Variants in NOTCH2 observed in about 807,000 individuals in gnomAD.
NOTCH2 encodes the protein neurogenic locus notch homolog protein 2.
NOTCH2 carries 29 observed loss-of-function variants against 235.8 expected under a neutral mutation model. The ratio of observed to expected loss-of-function variants is 0.12; its 90% confidence interval spans 0.09 to 0.17. NOTCH2 has a LOEUF of 0.17. Among genes scored for constraint, NOTCH2 ranks in the 10% least tolerant of loss-of-function variants. The pLI is 1.00. For synonymous variants in NOTCH2, 1,086 were observed against 1,141.5 expected, an observed-to-expected ratio of 0.95 and a Z score of 0.98; for missense variants, 2,285 against 3,150.2, an observed-to-expected ratio of 0.73 and a Z score of 6.57.
chr1:119,941,101 T>C (rs868919082), intron 18 of NOTCH2, among the ~76,000 whole-genome samples: 34 of 152,230 alleles, frequency 2.2e-4, no homozygotes, highest in African/African-American at 7.0e-4. Flanking sequence ...CTATTCACTA[T>C]AGATTATTTA....
intron 22 of NOTCH2, among the ~76,000 whole-genome samples, chr1:119,930,337 CAA>C (rs1361072919): frequency 2.7e-5 from 4 of 150,342 alleles, no homozygotes; most frequent in Admixed American, 2.0e-4. Flanking sequence ...GCTGAGAGTT[CAA>C]AAGTTATTCC....
At chr1:120,008,861 C>G (rs1308391461) in intron 2 of NOTCH2, among the ~76,000 whole-genome samples, 1 of 152,104 alleles carries the variant, frequency 6.6e-6, no homozygotes, top group Non-Finnish European at 1.5e-5. Context: ...ATTCTAATAG[C>G]TGAAGACGAA....
Position 119,919,369 on chromosome 1 carries a change from G to C in NOTCH2, c.5724C>G (p.Asn1908Lys). ...CAGCATGGAGTGGACAGCGGCCCAT[G>C]TTGTCCTGGGCATTGGCATCTGCAC... is the stretch of plus-strand genomic sequence containing the variant. ...DAGADANAQD[N>K]MGRCPLHAAV... is the part of the protein sequence containing the mutation. Residue 1908 changes from asparagine to lysine, a missense_variant, in exon 31 of 34, where the codon AAC becomes AAG. Around this residue, in one of 6 missense-constraint regions of NOTCH2, gnomAD observed 128 missense variants for 255.9 expected, o/e 0.50. Coordinates refer to ENST00000256646, the MANE Select transcript of NOTCH2 (RefSeq NM_024408.4). The C allele has an allele frequency of 6.2e-7, 1 of 1,613,582 alleles. No homozygotes were observed. Among genetic ancestry groups the C allele is most frequent in the Non-Finnish European group, 8.5e-7 (1 of 1,180,036 alleles).
At chr1:119,989,541 T>C (rs1261586969) in intron 4 of NOTCH2, among the ~76,000 whole-genome samples, 3 of 152,108 alleles carry the variant, frequency 2.0e-5, no homozygotes, top group African/African-American at 2.4e-5. Flanking sequence ...AGACAGTATA[T>C]AGAATGACAG....
intron 2 of NOTCH2, among the ~76,000 whole-genome samples, chr1:120,029,442 C>T (rs1553210629): frequency 6.6e-6 from 1 of 151,940 alleles, no homozygotes; most frequent in Non-Finnish European, 1.5e-5. Flanking sequence ...CCTCCGCCTC[C>T]TGGGTTCAAG....
chr1:119,915,668 C>T lies in NOTCH2; in HGVS notation c.7054G>A (p.Ala2352Thr), dbSNP rs1649039262. The T allele has an allele frequency of 6.2e-7, 1 of 1,613,604 alleles. No homozygotes were observed. The highest frequency in any genetic ancestry group is 8.5e-7 in the Non-Finnish European group (1 of 1,179,734). ...TGGGGCATCATGGCAGTGGGGAAAG[C>T]CACACTGGGCAAACGGGCCATTTCT... ...IPEMARLPSV[A>T]FPTAMMPQQD... is the part of the protein sequence containing the mutation. Residue 2352 changes from alanine (A) to threonine (T), a missense_variant, in exon 34 of 34, where the codon GCT becomes ACT. By Grantham distance (58) the Ala-to-Thr change is moderately conservative (BLOSUM62 0). Coordinates refer to ENST00000256646, the MANE Select transcript of NOTCH2 (RefSeq NM_024408.4).
At chr1:120,011,813 G>A (rs1305119192) in intron 2 of NOTCH2, among the ~76,000 whole-genome samples, 1 of 151,674 alleles carries the variant, frequency 6.6e-6, no homozygotes, top group Non-Finnish European at 1.5e-5. Flanking sequence ...TCAGGAGATC[G>A]AGACCATCCT....
intron 5 of NOTCH2, among the ~76,000 whole-genome samples, chr1:119,979,591 G>A (rs993959928): frequency 2.0e-5 from 3 of 152,152 alleles, no homozygotes; most frequent in Non-Finnish European, 2.9e-5. Context: ...TACTTATTCA[G>A]CTAAAATGTT....
At chr1:119,936,695 G>A (rs1227251952) in intron 21 of NOTCH2, among the ~76,000 whole-genome samples, 1 of 152,120 alleles carries the variant, frequency 6.6e-6, no homozygotes, top group East Asian at 1.9e-4. Context: ...GTTTGAATTG[G>A]TATCAAATTA....
chr1:119,932,105 T>C (rs1353545914), intron 22 of NOTCH2, among the ~76,000 whole-genome samples: 2 of 151,646 alleles, frequency 1.3e-5, no homozygotes, highest in Non-Finnish European at 2.9e-5. Flanking sequence ...AAAGCCAATA[T>C]GCTGATATAC....
Position 119,915,894 on chromosome 1 carries a change from C to G in NOTCH2, c.6828G>C (p.Glu2276Asp). The G allele has an allele frequency of 1.2e-6, 2 of 1,614,166 alleles. No individual in the cohort carries two copies. The highest frequency in any genetic ancestry group is 1.7e-6 in the Non-Finnish European group (2 of 1,180,036). The stretch of plus-strand genomic sequence containing the variant: ...GGGGAGCTATGCCAGGATGGGTGCC[C>G]TCAGCTGGAGCCAGGACCATACCAA... ...EMFGMVLAPA[E>D]GTHPGIAPQS... Residue 2276 changes from glutamate (E) to aspartate (D), a missense_variant, in exon 34 of 34, where the codon GAG becomes GAC. Coordinates refer to ENST00000256646, the MANE Select transcript of NOTCH2 (RefSeq NM_024408.4).
chr1:119,986,600 C>A (rs762449735), intron 5 of NOTCH2, among the ~76,000 whole-genome samples: 105 of 152,250 alleles, frequency 6.9e-4, no homozygotes, highest in South Asian at 1.9e-3. Context: ...TTTAGCATTT[C>A]AGGAAATTTT....
intron 24 of NOTCH2, 139 bp downstream of exon 24, chr1:119,926,360 A>G: frequency 1.3e-6 from 1 of 762,080 alleles, no homozygotes; most frequent in South Asian, 1.5e-5. Flanking sequence ...GAAAAACCCA[A>G]GCACTTTCCT....
chr1:119,999,976 AAAGGAAGGAAGGAAGGAAGG>A (rs58775950), intron 3 of NOTCH2, among the ~76,000 whole-genome samples: 1 of 56,610 alleles, frequency 1.8e-5, no homozygotes, highest in African/African-American at 7.0e-5. Context: ...AGAAAGAAAG[AAAGGAAGGAAGGAAGGAAGG>A]AAGGAAGGAA....
intron 12 of NOTCH2, among the ~76,000 whole-genome samples, chr1:119,956,778 G>A (rs1195917000): frequency 6.6e-6 from 1 of 152,072 alleles, no homozygotes; most frequent in Non-Finnish European, 1.5e-5. Context: ...TTCTTTATTT[G>A]CTTTTAAATT....
intron 3 of NOTCH2, among the ~76,000 whole-genome samples, chr1:120,000,660 G>A (rs1652713356): frequency 6.7e-6 from 1 of 148,780 alleles, no homozygotes; most frequent in African/African-American, 2.5e-5. Context: ...TATGAAGAAG[G>A]CATTACTGTC....
At chr1:119,944,533 TAA>T (rs59660919) in intron 17 of NOTCH2, among the ~76,000 whole-genome samples, 4 of 63,186 alleles carry the variant, frequency 6.3e-5, no homozygotes, top group East Asian at 4.1e-4. Context: ...AGACTCAGTC[TAA>T]AAAAAAAAAA....
rs1414082354 is a variant in NOTCH2 at position 119,949,110 on chromosome 1, T to C, written c.2496A>G (p.Thr832=). Residue 832 remains threonine (T), a synonymous_variant, in exon 16 of 34, where the codon ACA becomes ACG. Coordinates refer to ENST00000256646, the MANE Select transcript of NOTCH2 (RefSeq NM_024408.4). ...GGTTTGGGGAACAGGGAGCCAATAC[T>C]GTCTGACAATTCTTGCCTAGAAAGT... is the stretch of plus-strand genomic sequence containing the variant. ...VLPYTGKNCQ[T]VLAPCSPNPC... 2 of 1,614,122 alleles carry C rather than the reference T, an allele frequency of 1.2e-6. No homozygotes were observed. Among genetic ancestry groups the C allele is most frequent in the Non-Finnish European group, 1.7e-6 (2 of 1,180,042 alleles).
At chr1:119,967,156 C>T (rs782676925) in intron 8 of NOTCH2, among the ~76,000 whole-genome samples, 3 of 152,178 alleles carry the variant, frequency 2.0e-5, no homozygotes, top group African/African-American at 4.8e-5. Flanking sequence ...AGGATTCTTA[C>T]AGTAAATCAT....
Sources: allele counts gnomAD v4.1 joint callset (sites outside exome capture counted in the v4.1 genomes callset), GRCh38; gene constraint gnomAD v4.1.1; regional missense constraint gnomAD v4.1.1; transcripts MANE v1.5; gene names NCBI Gene and HGNC (gene_info 2026-07-23, HGNC 2026-07-21).